The following BRINP2 variants were observed in gnomAD, a reference collection of about 807,000 sequenced individuals.
The protein encoded by BRINP2 is BMP/retinoic acid inducible neural specific 2, also known as BMP/retinoic acid-inducible neural-specific protein 2.
Under a neutral mutation model 69.2 loss-of-function variants are expected in BRINP2, and 21 were observed. The ratio of observed to expected loss-of-function variants is 0.30; its 90% confidence interval spans 0.22 to 0.44. The LOEUF (loss-of-function observed/expected upper bound fraction) is 0.44. Among genes scored for constraint, BRINP2 ranks in the 20% least tolerant of loss-of-function variants. The pLI, the probability that BRINP2 is intolerant of heterozygous loss-of-function variation, is 1.00. For missense variants in BRINP2, 877 were observed against 986.0 expected, an observed-to-expected ratio of 0.89 and a Z score of 1.48; for synonymous variants, 380 against 394.1, an observed-to-expected ratio of 0.96 and a Z score of 0.42.
intron 1 of BRINP2, among the ~76,000 whole-genome samples, chr1:177,172,175 T>C (rs1647955164): frequency 6.6e-6 from 1 of 152,210 alleles, no homozygotes; most frequent in African/African-American, 2.4e-5. Flanking sequence ...GCACGATATC[T>C]ATATTATCGT....
At chr1:177,176,504 G>T (rs1648090642) in intron 1 of BRINP2, among the ~76,000 whole-genome samples, 1 of 146,040 alleles carries the variant, frequency 6.8e-6, no homozygotes, top group Non-Finnish European at 1.5e-5. Flanking sequence ...AATTATGTAA[G>T]TGGCTGGCAT....
chr1:177,178,720 G>A (rs972303833), intron 1 of BRINP2, among the ~76,000 whole-genome samples: 29 of 152,070 alleles, frequency 1.9e-4, no homozygotes, highest in African/African-American at 5.3e-4. Flanking sequence ...ATCGAGGCTC[G>A]AAGACATACT....
intron 7 of BRINP2, among the ~76,000 whole-genome samples, chr1:177,279,290 C>T (rs928596574): frequency 1.3e-5 from 2 of 152,090 alleles, no homozygotes; most frequent in Non-Finnish European, 2.9e-5. Flanking sequence ...TTTTTGAATC[C>T]GTATTCCATG....
In BRINP2 at chr1:177,281,245, T is replaced by G; in HGVS notation, c.2069T>G (p.Leu690Arg). 3 of 1,614,210 alleles carry G rather than the reference T, an allele frequency of 1.9e-6. No individual in the cohort carries two copies. The change falls in exon 8 of 8, where the codon CTG (leucine) becomes CGG (arginine). Residue 690 changes from leucine (L) to arginine (R), a missense_variant. By Grantham distance (102) the Leu-to-Arg change is moderately radical (BLOSUM62 -2). This residue lies in a region of BRINP2 where 225 missense variants were observed against 218.7 expected (regional missense o/e 1.03). Coordinates refer to ENST00000361539, the MANE Select transcript of BRINP2 (RefSeq NM_021165.4). ...ACCTTGCAGGTCTTTGGCTACAGCCTGCCCTTTGACCCAGATGCTATCCGG... is the reference window on the plus strand; with the variant it reads ...ACCTTGCAGGTCTTTGGCTACAGCCGGCCCTTTGACCCAGATGCTATCCGG... The part of the protein sequence containing the change: ...INTLQVFGYS[L>R]PFDPDAIRDL...
chr1:177,204,923 T>G (rs1019159359), intron 1 of BRINP2, among the ~76,000 whole-genome samples: 5 of 152,218 alleles, frequency 3.3e-5, no homozygotes, highest in Non-Finnish European at 7.3e-5. Flanking sequence ...TAAATAATTT[T>G]TCATACCACT....
chr1:177,247,447 C>T (rs895173307), intron 2 of BRINP2, among the ~76,000 whole-genome samples: 1 of 152,228 alleles, frequency 6.6e-6, no homozygotes, highest in Non-Finnish European at 1.5e-5. Context: ...GGAAAAATGA[C>T]AAGAAAACTA....
At chr1:177,212,081 A>T (rs1282046655) in intron 1 of BRINP2, among the ~76,000 whole-genome samples, 1 of 149,304 alleles carries the variant, frequency 6.7e-6, no homozygotes, top group East Asian at 1.9e-4. Context: ...AGATAGATAG[A>T]TAGATAGATA....
intron 1 of BRINP2, among the ~76,000 whole-genome samples, chr1:177,208,847 C>A (rs1649136169): frequency 6.6e-6 from 1 of 152,222 alleles, no homozygotes; most frequent in African/African-American, 2.4e-5. Context: ...TGAACCCTGG[C>A]AAGCCACCTC....
At chr1:177,186,584 T>C (rs535316953) in intron 1 of BRINP2, among the ~76,000 whole-genome samples, 2 of 152,150 alleles carry the variant, frequency 1.3e-5, no homozygotes, top group African/African-American at 4.8e-5. Flanking sequence ...GTAGAGGTAA[T>C]GGAGGTCAAA....
chr1:177,257,058 C>G, intron 3 of BRINP2, 118 bp from the exon 4 acceptor site: 2 of 1,559,422 alleles, frequency 1.3e-6, no homozygotes, highest in Non-Finnish European at 1.7e-6. Context: ...AAGAGCTTGG[C>G]AGCAGGGGCT....
At position 177,229,001 on chromosome 1, in the gene BRINP2, A is replaced by G. The variant is rs550273652; in HGVS notation, c.-76-800A>G. On this transcript the variant is annotated intron_variant, in intron 1 of 7. Transcript: ENST00000361539. ...CTCTCAGGAGCTGGTATAGAAAGAT[A>G]CAGCAGTTATTGCTCAGCCCTGCCC... is the stretch of plus-strand genomic sequence containing the variant. Among the ~76,000 whole-genome samples the G allele has an allele frequency of 4.6e-5, 7 of 152,328 alleles. No homozygotes were observed. The East Asian group carries it at 9.6e-4, about 21-fold the overall frequency.
intron 1 of BRINP2, among the ~76,000 whole-genome samples, chr1:177,179,479 C>G (rs1215100555): frequency 6.6e-6 from 1 of 152,154 alleles, no homozygotes; most frequent in Non-Finnish European, 1.5e-5. Context: ...TATCCCCTAT[C>G]AATCTATTTG....
intron 1 of BRINP2, among the ~76,000 whole-genome samples, chr1:177,181,037 ACT>A (rs1237464211): frequency 6.6e-6 from 1 of 152,120 alleles, no homozygotes; most frequent in Non-Finnish European, 1.5e-5. Flanking sequence ...AAGTCTAACA[ACT>A]CTCTATGAAG....
chr1:177,231,869 G>C (rs1416980268), intron 2 of BRINP2, among the ~76,000 whole-genome samples: 1 of 152,002 alleles, frequency 6.6e-6, no homozygotes, highest in Non-Finnish European at 1.5e-5. Context: ...GAACAGAGTA[G>C]AGGGTTAACT....
At chr1:177,269,581 CA>C (rs1486470313) in intron 4 of BRINP2, among the ~76,000 whole-genome samples, 9 of 152,240 alleles carry the variant, frequency 5.9e-5, no homozygotes, top group African/African-American at 2.2e-4. Flanking sequence ...TTCCTCACTG[CA>C]GCAGCCTGGG....
intron 1 of BRINP2, among the ~76,000 whole-genome samples, chr1:177,173,710 C>T (rs1224036564): frequency 1.3e-5 from 2 of 152,182 alleles, no homozygotes; most frequent in East Asian, 3.9e-4. Flanking sequence ...AAAGAACAAC[C>T]CTGTGTCATC....
chr1:177,198,854 G>T (rs752495424), intron 1 of BRINP2, among the ~76,000 whole-genome samples: 1 of 152,146 alleles, frequency 6.6e-6, no homozygotes, highest in Non-Finnish European at 1.5e-5. Context: ...CAATTAGGAG[G>T]TTTCTGAGAG....
At chr1:177,229,552 A>G (rs1308422051) in intron 1 of BRINP2, among the ~76,000 whole-genome samples, 1 of 152,232 alleles carries the variant, frequency 6.6e-6, no homozygotes, top group Non-Finnish European at 1.5e-5. Flanking sequence ...AACTTAAGCA[A>G]CTTTCTTAAG....
At chr1:177,201,009 A>G (rs1273152051) in intron 1 of BRINP2, among the ~76,000 whole-genome samples, 1 of 152,142 alleles carries the variant, frequency 6.6e-6, no homozygotes, top group African/African-American at 2.4e-5. Flanking sequence ...CAAAAGAATG[A>G]TACAATGGAC....
Sources: allele counts gnomAD v4.1 joint callset (sites outside exome capture counted in the v4.1 genomes callset), GRCh38; gene constraint gnomAD v4.1.1; regional missense constraint gnomAD v4.1.1; transcripts MANE v1.5; gene names NCBI Gene and HGNC (gene_info 2026-07-23, HGNC 2026-07-21).